PCDHGA6: variants seen among roughly 807,000 people sequenced by gnomAD.
PCDHGA6 encodes the protein protocadherin gamma-A6.
PCDHGA6 carries 41 observed loss-of-function variants against 60.6 expected under a neutral mutation model. That is an observed-to-expected ratio of 0.68 (90% confidence interval 0.53 to 0.88). The LOEUF is 0.88. PCDHGA6 is among the 40% of genes least tolerant of loss of function. The probability of loss-of-function intolerance (pLI) is 0.00; values close to 1 mark genes in which losing one functional copy is unlikely to be tolerated. For missense variants in PCDHGA6, 1,312 were observed against 1,203.0 expected (o/e 1.09, Z -1.34); for synonymous variants, 594 against 524.4 (o/e 1.13, Z -1.81).
At chr5:141,456,971 A>G (rs1031714073) in intron 1 of PCDHGA6, among the ~76,000 whole-genome samples, 1 of 147,384 alleles carries the variant, frequency 6.8e-6, no homozygotes, top group Non-Finnish European at 1.5e-5. Context: ...TCAAAACAAA[A>G]CAAACAAACA....
chr5:141,419,275 G>T (rs777238100), intron 1 of PCDHGA6: 35 of 1,613,856 alleles, frequency 2.2e-5, no homozygotes, highest in Non-Finnish European at 2.9e-5. Flanking sequence ...CCTCCATAGC[G>T]CAAGTCAGTG....
intron 1 of PCDHGA6, among the ~76,000 whole-genome samples, chr5:141,447,984 G>C (rs1300057273): frequency 6.6e-6 from 1 of 151,952 alleles, no homozygotes; most frequent in African/African-American, 2.4e-5. Context: ...TACTCGGGAG[G>C]CTGAGGCATG....
chr5:141,478,336 C>T, intron 1 of PCDHGA6: 2 of 1,613,950 alleles, frequency 1.2e-6, no homozygotes, highest in South Asian at 2.2e-5. Context: ...CACCAGGGCC[C>T]TCCTTGCACG....
At chr5:141,433,358 C>CCTAG (rs1554125965) in intron 1 of PCDHGA6, 2 of 498,106 alleles carry the variant, frequency 4.0e-6, no homozygotes, top group African/African-American at 4.2e-5. Flanking sequence ...CTACTGTCTG[C>CCTAG]CTATCTATCT....
At chr5:141,398,550 A>G (rs1390355431) in intron 1 of PCDHGA6, 2 of 1,613,816 alleles carry the variant, frequency 1.2e-6, no homozygotes, top group Non-Finnish European at 1.7e-6. Context: ...TTGAGCTGCA[A>G]ATAAGTGAGT....
At chr5:141,376,684 T>TTTTTTTTTTG in intron 1 of PCDHGA6, 177 bp downstream of exon 1, 1 of 809,294 alleles carries the variant, frequency 1.2e-6, no homozygotes, top group African/African-American at 1.9e-5. Flanking sequence ...TCGTTTTTTT[T>TTTTTTTTTTG]TTTTTTTTTT....
At position 141,473,628 on chromosome 5, in the gene PCDHGA6, A is replaced by T. The variant is rs533175704; in HGVS notation, c.2425-21179A>T. The stretch of plus-strand genomic sequence containing the variant: ...AAAGCAAAGGGAGGGAGGAAAAAGC[A>T]GCTTTCCTGGCAAAGGAACAATTTG... On this transcript the variant is annotated intron_variant, in intron 1 of 3. Transcript: ENST00000517434. 4.6e-5 allele frequency among the ~76,000 whole-genome samples: 7 copies of T among 152,334 alleles called. No individual in the cohort carries two copies. In the South Asian group the frequency reaches 1.4e-3, roughly 32 times the overall value.
chr5:141,414,376 T>G, intron 1 of PCDHGA6: 1 of 1,613,824 alleles, frequency 6.2e-7, no homozygotes, highest in Non-Finnish European at 8.5e-7. Flanking sequence ...ATTAGAAAAG[T>G]CCATTGACAG....
chr5:141,376,127 G>A lies in PCDHGA6; in HGVS notation c.2044G>A (p.Ala682Thr), dbSNP rs1331529697. 2.5e-6 allele frequency: 4 copies of A among 1,613,828 alleles called. No individual in the cohort carries two copies. The highest frequency in any genetic ancestry group is 2.2e-5 in the East Asian group (1 of 44,878). The change falls in exon 1 of 4, where the codon GCC (alanine) becomes ACC (threonine). Residue 682 changes from alanine (A) to threonine (T), a missense_variant. Coordinates refer to ENST00000517434, the MANE Select transcript of PCDHGA6 (RefSeq NM_018919.3). ...CGACCTGGGCAGCCTCGAGCCCTCC[G>A]CCAAACCCAACGATTCGGACCTCAC... ...LADLGSLEPSAKPNDSDLTLY... is the reference protein window; with the variant it reads ...LADLGSLEPSTKPNDSDLTLY...
intron 1 of PCDHGA6, chr5:141,419,533 C>A: frequency 6.2e-7 from 1 of 1,612,106 alleles, no homozygotes; most frequent in Non-Finnish European, 8.5e-7. Flanking sequence ...GTAACGACAA[C>A]GCACCGCGGG....
chr5:141,444,376 G>A (rs977995642), intron 1 of PCDHGA6, among the ~76,000 whole-genome samples: 1 of 151,796 alleles, frequency 6.6e-6, no homozygotes, highest in Non-Finnish European at 1.5e-5. Flanking sequence ...TCTCCATGTT[G>A]GTCAGGCTAG....
At chr5:141,463,981 A>G (rs1441851777) in intron 1 of PCDHGA6, among the ~76,000 whole-genome samples, 1 of 152,150 alleles carries the variant, frequency 6.6e-6, no homozygotes, top group Non-Finnish European at 1.5e-5. Context: ...ACTCCATTGT[A>G]AAAACCAGGT....
At chr5:141,403,276 C>T (rs1331205396) in intron 1 of PCDHGA6, 3 of 1,613,844 alleles carry the variant, frequency 1.9e-6, no homozygotes, top group Non-Finnish European at 2.5e-6. Context: ...ACTTTAAAGT[C>T]CTGGTTGAAG....
At chr5:141,423,003 G>A (rs779233337) in intron 1 of PCDHGA6, 1 of 1,614,208 alleles carries the variant, frequency 6.2e-7, no homozygotes, top group African/African-American at 1.3e-5. Flanking sequence ...TGACCAAGGT[G>A]GTTGCGGTGG....
Position 141,375,819 on chromosome 5 carries a change from C to T in PCDHGA6, c.1736C>T (p.Pro579Leu). ...TDGSTGVELA[P>L]RSAEPGYLVT... ...GGTTCCACTGGCGTGGAGCTGGCGCCCCGCTCCGCAGAGCCCGGCTACCTG... is the reference window on the plus strand; with the variant it reads ...GGTTCCACTGGCGTGGAGCTGGCGCTCCGCTCCGCAGAGCCCGGCTACCTG... The change falls in exon 1 of 4, where the codon CCC becomes CTC. Residue 579 changes from proline to leucine, a missense_variant. Pro to Leu is a moderately conservative substitution (Grantham distance 98, BLOSUM62 -3). Transcript: ENST00000517434. The T allele has an allele frequency of 1.2e-6, 2 of 1,614,190 alleles. No individual in the cohort carries two copies. The highest frequency in any genetic ancestry group is 1.7e-5 in the Admixed American group (1 of 60,038).
At chr5:141,417,179 A>C (rs1015183950) in intron 1 of PCDHGA6, 1 of 152,194 alleles carries the variant, frequency 6.6e-6, no homozygotes, top group African/African-American at 2.4e-5. Context: ...GAAATAAGGA[A>C]TTATTACTTT....
chr5:141,500,182 A>ATTTT lies in PCDHGA6; in HGVS notation c.2484-5209_2484-5206dup, dbSNP rs1199992745. Among the ~76,000 whole-genome samples the ATTTT allele has an allele frequency of 1.7e-3, 223 of 131,716 alleles. 2 individuals are homozygous for ATTTT. Among genetic ancestry groups the ATTTT allele is most frequent in the African/African-American group, 6.2e-3 (201 of 32,350 alleles). The allele number at this position is 131,716 out of a possible 152,430, so 86.4% of individuals were successfully genotyped here. On this transcript the variant is annotated intron_variant, in intron 2 of 3. Transcript: ENST00000517434. ...AAGAACATGCATGAGCTTCATTTTT[A>ATTTT]TTTTTATTTATTTATTTATTTATTT...
chr5:141,423,877 C>G, intron 1 of PCDHGA6: 1 of 1,283,890 alleles, frequency 7.8e-7, no homozygotes, highest in South Asian at 3.4e-5. Flanking sequence ...ATTTTTCAAT[C>G]TTGGCATATT....
intron 1 of PCDHGA6, chr5:141,423,723 T>C: frequency 8.5e-7 from 1 of 1,174,478 alleles, no homozygotes; most frequent in Non-Finnish European, 1.1e-6. Context: ...TAAGGAGATG[T>C]TTTTTGAGCC....
Sources: allele counts gnomAD v4.1 joint callset (sites outside exome capture counted in the v4.1 genomes callset), GRCh38; gene constraint gnomAD v4.1.1; transcripts MANE v1.5; gene names NCBI Gene and HGNC (gene_info 2026-07-23, HGNC 2026-07-21).